The following ARHGDIB variants were observed in gnomAD, a reference collection of about 807,000 sequenced individuals.
ARHGDIB encodes Rho GDP dissociation inhibitor beta, also known as rho GDP-dissociation inhibitor 2.
A neutral mutation model predicts 22.6 loss-of-function variants in ARHGDIB; 20 were observed. That is an observed-to-expected ratio of 0.88 (90% confidence interval 0.62 to 1.28). ARHGDIB has a LOEUF of 1.28. Ranked by LOEUF, ARHGDIB falls within the 50% of genes most tolerant of loss-of-function variation. The pLI, the probability that ARHGDIB is intolerant of heterozygous loss-of-function variation, is 0.00. For synonymous variants in ARHGDIB, 114 were observed against 96.1 expected, an observed-to-expected ratio of 1.19 and a Z score of -1.09; for missense variants, 254 against 245.4, an observed-to-expected ratio of 1.04 and a Z score of -0.23.
intron 4 of ARHGDIB, among the ~76,000 whole-genome samples, chr12:14,946,189 G>A (rs968142089): frequency 6.6e-6 from 1 of 152,168 alleles, no homozygotes; most frequent in African/African-American, 2.4e-5. Context: ...CACTCCAGGG[G>A]GAAGAAGCCT....
chr12:14,955,393 A>G (rs934694499), intron 1 of ARHGDIB, among the ~76,000 whole-genome samples: 2 of 152,268 alleles, frequency 1.3e-5, no homozygotes, highest in Non-Finnish European at 2.9e-5. Flanking sequence ...GCATGTATTA[A>G]CAAGAGATTG....
At chr12:14,952,616 A>G (rs1266750927) in intron 1 of ARHGDIB, among the ~76,000 whole-genome samples, 1 of 151,666 alleles carries the variant, frequency 6.6e-6, no homozygotes, top group East Asian at 1.9e-4. Flanking sequence ...TAGATGTTGT[A>G]GGTTGTGGGA....
rs1255058593 is a variant in ARHGDIB, at chr12:14,944,783, C to T, written c.399G>A (p.Gly133=). 2 of 1,612,934 alleles carry T rather than the reference C, an allele frequency of 1.2e-6. No individual in the cohort carries two copies. The highest frequency in any genetic ancestry group is 1.7e-6 in the Non-Finnish European group (2 of 1,179,352). The change falls in exon 5 of 6, where the codon GGG becomes GGA. Residue 133 remains glycine (G), a synonymous_variant. Transcript: ENST00000228945. ...LKYVQHTYRT[G]VKVDKATFMV... ...AAATGTGGGTTCCCTTACCTTTCAC[C>T]CCAGTCCTGTAGGTGTGCTGAACGT...
At chr12:14,944,376 A>G (rs539770215) in intron 5 of ARHGDIB, among the ~76,000 whole-genome samples, 1 of 151,202 alleles carries the variant, frequency 6.6e-6, no homozygotes, top group African/African-American at 2.4e-5. Context: ...CCCCAGATAC[A>G]CATGGCACTG....
intron 3 of ARHGDIB, 81 bp from the exon 4 acceptor site, chr12:14,948,030 T>A: frequency 8.3e-7 from 1 of 1,211,112 alleles, no homozygotes; most frequent in Non-Finnish European, 1.2e-6. Flanking sequence ...CCCGGAAAAA[T>A]TTGTTGGGCC....
At chr12:14,947,270 A>T (rs1242874330) in intron 4 of ARHGDIB, among the ~76,000 whole-genome samples, 2 of 152,202 alleles carry the variant, frequency 1.3e-5, no homozygotes, top group Non-Finnish European at 2.9e-5. Flanking sequence ...GGGATATATT[A>T]GATGTCAGTT....
chr12:14,953,818 G>GCTCTCT (rs147117659), intron 1 of ARHGDIB, among the ~76,000 whole-genome samples: 15 of 146,410 alleles, frequency 1.0e-4, no homozygotes, highest in Non-Finnish European at 1.8e-4. Flanking sequence ...GCTTTTGCTT[G>GCTCTCT]CTCTCTCTCT....
chr12:14,942,574 T>C lies in ARHGDIB; in HGVS notation c.554A>G (p.Asp185Gly). The change falls in exon 6 of 6, where the codon GAC becomes GGC. Residue 185 changes from aspartate to glycine, a missense_variant. Physicochemically the swap from Asp to Gly is moderately conservative, Grantham distance 94. Coordinates refer to ENST00000228945, the MANE Select transcript of ARHGDIB (RefSeq NM_001175.7). ...CAGGTTCCACTCCCAGCTGAGGTGG[T>C]CTTGCTTGTCATCGTCGGTGAAGAA... ...KSFFTDDDKQ[D>G]HLSWEWNLSI... 4 of 1,614,162 alleles carry C rather than the reference T, an allele frequency of 2.5e-6. No individual in the cohort carries two copies. The South Asian group carries it at 3.3e-5, about 13-fold the overall frequency.
chr12:14,953,320 C>T (rs1482609750), intron 1 of ARHGDIB, among the ~76,000 whole-genome samples: 1 of 152,174 alleles, frequency 6.6e-6, no homozygotes, highest in Non-Finnish European at 1.5e-5. Flanking sequence ...TGATCCCAAA[C>T]TAGCTCATTC....
chr12:14,947,984 A>C (rs1864063274), intron 3 of ARHGDIB, 35 bp from the exon 4 acceptor site: 1 of 1,545,572 alleles, frequency 6.5e-7, no homozygotes, highest in East Asian at 2.2e-5. Context: ...TTTATCCTCA[A>C]AAGCAGATAC....
In ARHGDIB at chr12:14,949,809, G is replaced by T. The variant is rs375878065; in HGVS notation, c.258C>A (p.Asp86Glu). Residue 86 changes from aspartate (D) to glutamate (E), a missense_variant, in exon 3 of 6, where the codon GAC becomes GAA. Transcript: ENST00000228945. ...CESAPGPITMDLTGDLEALKK... is the reference protein window; with the variant it reads ...CESAPGPITMELTGDLEALKK... ...ACAGATGTGTCTACATACCAGTAAG[G>T]TCCATGGTGATTGGTCCCGGGGCAC... 1.2e-6 allele frequency: 2 copies of T among 1,613,458 alleles called. No homozygotes were observed. The highest frequency in any genetic ancestry group is 1.7e-6 in the Non-Finnish European group (2 of 1,179,558).
At chr12:14,956,441 G>C (rs1202647859) in intron 1 of ARHGDIB, 1 of 152,180 alleles carries the variant, frequency 6.6e-6, no homozygotes, top group Non-Finnish European at 1.5e-5. Flanking sequence ...AAAGAAAAGA[G>C]GAAGTAAAAG....
At chr12:14,947,610 A>C in intron 4 of ARHGDIB, 1 of 396,242 alleles carries the variant, frequency 2.5e-6, no homozygotes, top group Non-Finnish European at 4.6e-6. Flanking sequence ...TGCCTCGAGG[A>C]TGTGTTTGGA....
chr12:14,956,267 A>C (rs1286541911), intron 1 of ARHGDIB: 1 of 152,234 alleles, frequency 6.6e-6, no homozygotes, highest in Non-Finnish European at 1.5e-5. Flanking sequence ...ACGATGTTTC[A>C]GCGCAACTCG....
Position 14,950,758 on chromosome 12 carries a change from A to G in ARHGDIB, c.-12-34T>C, listed in dbSNP as rs778968953. 8 of 1,537,156 alleles carry G rather than the reference A, an allele frequency of 5.2e-6. No homozygotes were observed. In the South Asian group the frequency reaches 1.0e-4, roughly 19 times the overall value. ...CAGAATGACAGCCCGTTAGTCAACA[A>G]GTCATGAATATAAAAGATGTTAGTG... On this transcript the variant is annotated intron_variant, in intron 1 of 5. Transcript: ENST00000228945.
chr12:14,943,748 A>AT (rs1592284803), intron 5 of ARHGDIB, among the ~76,000 whole-genome samples: 2 of 152,152 alleles, frequency 1.3e-5, no homozygotes, highest in African/African-American at 4.8e-5. Flanking sequence ...ACTGGAATAT[A>AT]TATTAAGAAT....
At position 14,949,873 on chromosome 12, in the gene ARHGDIB, G is replaced by A. The variant is rs139281500; in HGVS notation, c.194C>T (p.Pro65Leu). The part of the protein sequence containing the change: ...DGPVVTDPKA[P>L]NVVVTRLTLV... Reference sequence around the variant, plus strand: ...GGTGAGCCGGGTGACAACGACATTGGGGGCTTTCGGATCTGCAGGATCGAA... The same window carrying A: ...GGTGAGCCGGGTGACAACGACATTGAGGGCTTTCGGATCTGCAGGATCGAA... The change falls in exon 3 of 6, where the codon CCC (proline) becomes CTC (leucine). Residue 65 changes from proline (P) to leucine (L), a missense_variant. Pro to Leu is a moderately conservative substitution (Grantham distance 98). Transcript: ENST00000228945. 3.9e-5 allele frequency: 63 copies of A among 1,613,416 alleles called. No individual in the cohort carries two copies. The highest frequency in any genetic ancestry group is 3.3e-4 in the Middle Eastern group (2 of 6,052).
At chr12:14,961,240 C>T (rs961196347) in intron 1 of ARHGDIB, 1 of 152,204 alleles carries the variant, frequency 6.6e-6, no homozygotes, top group African/African-American at 2.4e-5. Context: ...CAGGCACTCC[C>T]GGTGCGTGTT....
chr12:14,960,987 C>CATTT (rs1485628228), intron 1 of ARHGDIB, among the ~76,000 whole-genome samples: 1 of 152,216 alleles, frequency 6.6e-6, no homozygotes, highest in Non-Finnish European at 1.5e-5. Flanking sequence ...TTTCATTATG[C>CATTT]ATTTCTCTTA....
Sources: gnomAD v4.1 joint callset for allele counts (sites outside exome capture counted in the v4.1 genomes callset) on GRCh38, gnomAD v4.1.1 for gene constraint, MANE v1.5 for transcripts, NCBI Gene and HGNC (gene_info 2026-07-23, HGNC 2026-07-21) for gene names.